Variants in ZNF589 observed in about 807,000 individuals in gnomAD.
ZNF589 encodes zinc finger protein 589, also known as KRAB-zinc finger protein SZF1-1.
In ZNF589, 17 loss-of-function variants were observed where a neutral mutation model predicts 13.6. The ratio of observed to expected loss-of-function variants is 1.25; its 90% CI spans 0.86 to 1.88. The LOEUF (loss-of-function observed/expected upper bound fraction) is 1.88. Ranked by LOEUF, ZNF589 falls within the 40% of genes most tolerant of loss-of-function variation. The pLI is 0.00. For missense variants in ZNF589, 407 were observed against 434.0 expected (o/e 0.94, Z 0.55); for synonymous variants, 148 against 161.6 (o/e 0.92, Z 0.64).
At chr3:48,252,303 T>C (rs1260635811) in intron 2 of ZNF589, among the ~76,000 whole-genome samples, 1 of 151,998 alleles carries the variant, frequency 6.6e-6, no homozygotes, top group Non-Finnish European at 1.5e-5. Context: ...GCGATTCTCC[T>C]GCCTCAGCCT....
chr3:48,256,603 G>T (rs1019168644), intron 2 of ZNF589: 17 of 788,166 alleles, frequency 2.2e-5, no homozygotes, highest in Non-Finnish European at 9.0e-6. Flanking sequence ...CAATCTTGCA[G>T]TTCTCTTCCC....
chr3:48,263,674 G>A (rs180951413), intron 3 of ZNF589, among the ~76,000 whole-genome samples: 3 of 152,070 alleles, frequency 2.0e-5, no homozygotes, highest in East Asian at 1.9e-4. Context: ...GAGGAGAATC[G>A]CTTGAACCCC....
rs867467114 is a variant in ZNF589 at position 48,268,070 on chromosome 3, CCA to C, written c.382_383del (p.Gln128ValfsTer6). 1 of 1,614,228 alleles carries C rather than the reference CCA, an allele frequency of 6.2e-7. No homozygotes were observed. Among genetic ancestry groups the C allele is most frequent in the Non-Finnish European group, 8.5e-7 (1 of 1,180,044 alleles). ...HPGNPCPEDQ[P>X]QSQHPSDKNH... The stretch of plus-strand genomic sequence containing the variant: ...AGGAAATCCCTGCCCAGAGGATCAG[CCA>C]CAGTCACAACATCCTTCTGATAAAA... On this transcript the variant is annotated frameshift_variant, in exon 4 of 4. Transcript: ENST00000354698. LOFTEE classifies it low-confidence loss of function (END_TRUNC).
intron 2 of ZNF589, chr3:48,256,378 T>A (rs2033903342): frequency 1.8e-6 from 1 of 557,932 alleles, no homozygotes; most frequent in Non-Finnish European, 3.5e-6. Context: ...TGTCCTTGAG[T>A]AGCAGACATT....
In ZNF589 at chr3:48,241,304, G is replaced by T. The variant is rs1177033444; in HGVS notation, c.43+90G>T. On this transcript the variant is annotated intron_variant, in intron 1 of 3. Transcript: ENST00000354698. ...TCGGCCGTATCCACCAGGGATGCGC[G>T]TGGGGTGCGAGCTGTGTGAGGCGCT... 7 of 1,516,378 alleles carry T rather than the reference G, an allele frequency of 4.6e-6. No individual in the cohort carries two copies. In the East Asian group the frequency reaches 1.4e-4, roughly 30 times the overall value. The allele number at this position is 1,516,378 out of a possible 1,614,324, so 93.9% of individuals were successfully genotyped here.
At chr3:48,245,929 A>G (rs1365743583) in intron 1 of ZNF589, among the ~76,000 whole-genome samples, 2 of 151,392 alleles carry the variant, frequency 1.3e-5, no homozygotes, top group Admixed American at 1.3e-4. Context: ...CCTGGGTGAC[A>G]GAGTGAGACT....
chr3:48,257,993 T>G (rs2106842095), intron 2 of ZNF589: 1 of 433,726 alleles, frequency 2.3e-6, no homozygotes, highest in South Asian at 1.7e-5. Flanking sequence ...GTGATCTCTC[T>G]TACTTTGTTC....
chr3:48,263,919 T>A (rs1289114286), intron 3 of ZNF589, among the ~76,000 whole-genome samples: 1 of 152,242 alleles, frequency 6.6e-6, no homozygotes, highest in Admixed American at 6.5e-5. Flanking sequence ...AGTCCTTTTT[T>A]AATTAACTTG....
At chr3:48,246,788 C>T (rs896475711) in intron 1 of ZNF589, among the ~76,000 whole-genome samples, 5 of 152,150 alleles carry the variant, frequency 3.3e-5, no homozygotes, top group Non-Finnish European at 7.4e-5. Context: ...CCTGCCTCAG[C>T]CTCCTGAGTA....
In ZNF589 at chr3:48,268,154, T is replaced by C; in HGVS notation, c.463T>C (p.Phe155Leu). 6.2e-7 allele frequency: 1 copy of C among 1,613,796 alleles called. No homozygotes were observed. Among genetic ancestry groups the C allele is most frequent in the Non-Finnish European group, 8.5e-7 (1 of 1,179,798 alleles). The change falls in exon 4 of 4, where the codon TTT becomes CTT. Residue 155 changes from phenylalanine to leucine, a missense_variant. Transcript: ENST00000354698. ...AGTGGAAGGAGGCGTCAGACCCTTG[T>C]TTTGGAGTACAAATGAAAGGGGGGC... ...QRVEGGVRPL[F>L]WSTNERGALV... is the part of the protein sequence containing the mutation.
chr3:48,256,256 G>A (rs73831563), intron 2 of ZNF589: 18,231 of 372,110 alleles, frequency 0.049, 666 homozygotes, highest in East Asian at 0.12. Flanking sequence ...GGTGGGGTGG[G>A]GCAGGAGTAT....
rs764996479 is a variant in ZNF589, at chr3:48,268,959, A to G, written c.*173A>G. On this transcript the variant is annotated 3_prime_UTR_variant, in exon 4 of 4. Transcript: ENST00000354698. Reference sequence around the variant, plus strand: ...CCTCACGTGTGTGAGGAGTGTGGGCATGGATTTAGCCAGAAGTCGTCGCTC... The same window carrying G: ...CCTCACGTGTGTGAGGAGTGTGGGCGTGGATTTAGCCAGAAGTCGTCGCTC... The G allele has an allele frequency of 1.0e-5, 10 of 997,224 alleles. No homozygotes were observed. The highest frequency in any genetic ancestry group is 1.3e-5 in the Non-Finnish European group (9 of 674,512). 61.8% of individuals were successfully genotyped at this position (997,224 alleles called of 1,614,324 possible). A position where few individuals can be genotyped will look rare whatever the true frequency, so the allele number is the denominator to read the frequency against.
intron 2 of ZNF589, chr3:48,256,873 T>TA: frequency 9.5e-7 from 1 of 1,049,258 alleles, no homozygotes; most frequent in Non-Finnish European, 1.4e-6. Flanking sequence ...TGGTCACTGC[T>TA]GGGCCTGCTA....
intron 1 of ZNF589, among the ~76,000 whole-genome samples, chr3:48,241,497 A>G (rs2033698419): frequency 6.6e-6 from 1 of 152,242 alleles, no homozygotes; most frequent in Non-Finnish European, 1.5e-5. Flanking sequence ...AGATGTGTGG[A>G]GTGCAACTGA....
chr3:48,263,823 A>G (rs1192367658), intron 3 of ZNF589, among the ~76,000 whole-genome samples: 1 of 152,326 alleles, frequency 6.6e-6, no homozygotes, highest in East Asian at 1.9e-4. Context: ...GTTTCAGGAC[A>G]GTAAGTGAGA....
chr3:48,270,209 C>G lies in ZNF589; in HGVS notation c.*1423C>G. On this transcript the variant is annotated 3_prime_UTR_variant, in exon 4 of 4. Transcript: ENST00000354698. Reference sequence around the variant, plus strand: ...ATTTTACTCAGAGTTCAGTCTCCAGCCCTACAATCTGAGGGACACCTTTAC... The same window carrying G: ...ATTTTACTCAGAGTTCAGTCTCCAGGCCTACAATCTGAGGGACACCTTTAC... The G allele has an allele frequency of 2.2e-6, 1 of 457,298 alleles. No individual in the cohort carries two copies. The highest frequency in any genetic ancestry group is 1.5e-5 in the South Asian group (1 of 64,568). 28.3% of individuals were successfully genotyped at this position (457,298 alleles called of 1,614,324 possible). A position where few individuals can be genotyped will look rare whatever the true frequency, so the allele number is the denominator to read the frequency against.
chr3:48,263,679 A>G (rs1036245099), intron 3 of ZNF589, among the ~76,000 whole-genome samples: 2 of 152,130 alleles, frequency 1.3e-5, no homozygotes, highest in African/African-American at 4.8e-5. Context: ...GAATCGCTTG[A>G]ACCCCGGAGG....
At chr3:48,252,951 G>C (rs780824027) in intron 2 of ZNF589, among the ~76,000 whole-genome samples, 1 of 152,080 alleles carries the variant, frequency 6.6e-6, no homozygotes, top group Non-Finnish European at 1.5e-5. Flanking sequence ...GAGTTTTCTG[G>C]TCCATCAGCG....
intron 2 of ZNF589, among the ~76,000 whole-genome samples, chr3:48,258,195 T>G (rs1045009404): frequency 6.6e-6 from 1 of 152,218 alleles, no homozygotes. Context: ...CTTTGATTTT[T>G]TTTTCCATTG....
Sources: allele counts gnomAD v4.1 joint callset (sites outside exome capture counted in the v4.1 genomes callset), GRCh38; gene constraint gnomAD v4.1.1; transcripts MANE v1.5; gene names NCBI Gene and HGNC (gene_info 2026-07-23, HGNC 2026-07-21).